Variants in TWF2 observed in about 807,000 individuals in gnomAD.
TWF2 encodes twinfilin actin binding protein 2.
Under a neutral mutation model 45.1 loss-of-function variants are expected in TWF2, and 15 were observed. The ratio of observed to expected loss-of-function variants is 0.33; its 90% CI spans 0.22 to 0.51. The LOEUF is 0.51. TWF2 is among the 20% of genes least tolerant of loss of function. The probability of loss-of-function intolerance (pLI) is 0.97; values close to 1 mark genes in which losing one functional copy is unlikely to be tolerated. For synonymous variants in TWF2, 177 were observed against 195.8 expected, an observed-to-expected ratio of 0.90 and a Z score of 0.80; for missense variants, 423 against 469.1, an observed-to-expected ratio of 0.90 and a Z score of 0.91.
intron 2 of TWF2, among the ~76,000 whole-genome samples, chr3:52,233,007 G>T (rs762152265): frequency 6.6e-6 from 1 of 152,116 alleles, no homozygotes; most frequent in Non-Finnish European, 1.5e-5. Flanking sequence ...GCGAAACTCC[G>T]TCTCAAAAAA....
chr3:52,234,432 G>A (rs768084599), intron 2 of TWF2, among the ~76,000 whole-genome samples: 69 of 152,148 alleles, frequency 4.5e-4, no homozygotes, highest in Admixed American at 1.3e-3. Flanking sequence ...TCAGGCCTCA[G>A]CTCAAGTCCC....
chr3:52,229,257 C>A, intron 8 of TWF2, 56 bp from the exon 9 acceptor site: 1 of 1,585,926 alleles, frequency 6.3e-7, no homozygotes. Flanking sequence ...CACACACCAC[C>A]CCTGGTAGCC....
chr3:52,235,837 G>T (rs970839120), intron 1 of TWF2, among the ~76,000 whole-genome samples: 1 of 152,174 alleles, frequency 6.6e-6, no homozygotes, highest in African/African-American at 2.4e-5. Context: ...ACACCCATGT[G>T]TGCAGCCCCA....
chr3:52,235,604 T>C (rs1360595826), intron 1 of TWF2, among the ~76,000 whole-genome samples: 1 of 152,096 alleles, frequency 6.6e-6, no homozygotes, highest in African/African-American at 2.4e-5. Context: ...ACAACACGCA[T>C]GTGTGACAGA....
chr3:52,236,304 A>G (rs1308972662), intron 1 of TWF2, among the ~76,000 whole-genome samples: 2 of 139,346 alleles, frequency 1.4e-5, no homozygotes, highest in Admixed American at 1.4e-4. Context: ...TCCGCCTCAG[A>G]AAAAAAAAAA....
intron 2 of TWF2, 153 bp from the exon 3 acceptor site, chr3:52,232,275 G>A (rs1699686132): frequency 2.0e-6 from 2 of 1,003,084 alleles, no homozygotes; most frequent in Admixed American, 3.1e-5. Context: ...GTGTGAGGCT[G>A]TGTGGCTGAA....
Position 52,231,096 on chromosome 3 carries a change from C to T in TWF2, c.483+31G>A. On this transcript the variant is annotated intron_variant, in intron 5 of 8. Transcript: ENST00000305533. Reference sequence around the variant, plus strand: ...CACTGGGCCGATATGACCCTGAGGGCTCAAGGCTGGGGCCTCTGCTCCCCA... The same window carrying T: ...CACTGGGCCGATATGACCCTGAGGGTTCAAGGCTGGGGCCTCTGCTCCCCA... 4 of 1,613,704 alleles carry T rather than the reference C, an allele frequency of 2.5e-6. No homozygotes were observed. The South Asian group carries it at 3.3e-5, about 13-fold the overall frequency.
intron 6 of TWF2, 129 bp downstream of exon 6, chr3:52,230,741 G>T: frequency 2.9e-6 from 4 of 1,369,556 alleles, no homozygotes; most frequent in East Asian, 5.0e-5. Context: ...GTTCCCACAA[G>T]CACATGGACG....
chr3:52,236,851 G>A (rs927102774), intron 1 of TWF2, among the ~76,000 whole-genome samples: 1 of 152,110 alleles, frequency 6.6e-6, no homozygotes, highest in African/African-American at 2.4e-5. Context: ...TCCATCGGCA[G>A]ATCCCAAGCA....
intron 1 of TWF2, among the ~76,000 whole-genome samples, chr3:52,236,753 T>A (rs1410029857): frequency 1.3e-5 from 2 of 152,098 alleles, no homozygotes; most frequent in Non-Finnish European, 2.9e-5. Flanking sequence ...GGGGCCCAAC[T>A]GAGCTCAGCA....
In TWF2 at chr3:52,231,932, C is replaced by G. The variant is rs74665344; in HGVS notation, c.282+12G>C. 7,636 of 1,608,278 alleles carry G rather than the reference C, an allele frequency of 4.7e-3. 285 individuals are homozygous for G. The African/African-American group carries it at 0.082, about 17-fold the overall frequency. On this transcript the variant is annotated intron_variant, in intron 3 of 8. Coordinates refer to ENST00000305533, the MANE Select transcript of TWF2 (RefSeq NM_007284.4). ...AGCTCCCCTCCTCACTTCCCACTGG[C>G]CCAGGACTCACGGGGGAGTTATCAG...
rs1699648153 is a variant in TWF2, at chr3:52,228,690, G to C, written c.*344C>G. On this transcript the variant is annotated 3_prime_UTR_variant, in exon 9 of 9. Transcript: ENST00000305533. ...CTGCAGTGACCCCTGCCCCAGCCCT[G>C]ACTGACCCCACTTCTTGTGGCCAAA... 1 of 310,430 alleles carries C rather than the reference G, an allele frequency of 3.2e-6. No homozygotes were observed. The highest frequency in any genetic ancestry group is 2.2e-5 in the African/African-American group (1 of 46,302). The allele number at this position is 310,430 out of a possible 1,614,324, so 19.2% of individuals were successfully genotyped here. A position where few individuals can be genotyped will look rare whatever the true frequency, so the allele number is the denominator to read the frequency against.
chr3:52,238,109 T>C (rs1699743953), intron 1 of TWF2, among the ~76,000 whole-genome samples: 1 of 151,950 alleles, frequency 6.6e-6, no homozygotes. Context: ...GATGCGGGAA[T>C]GGTGAAGCTT....
rs764485770 is a variant in TWF2 at position 52,232,078 on chromosome 3, C to G, written c.148G>C (p.Asp50His). Residue 50 changes from aspartate to histidine, a missense_variant, in exon 3 of 9, where the codon GAT becomes CAT. By Grantham distance (81) the Asp-to-His change is moderately conservative. Transcript: ENST00000305533. ...AGCACGGCCCTGTCATAGTCCTGATCCCAGCGGCCTACTGGCTCCTGCGAG... is the reference window on the plus strand; with the variant it reads ...AGCACGGCCCTGTCATAGTCCTGATGCCAGCGGCCTACTGGCTCCTGCGAG... The part of the protein sequence containing the change: ...GASQEPVGRW[D>H]QDYDRAVLPL... 1 of 1,612,920 alleles carries G rather than the reference C, an allele frequency of 6.2e-7. No individual in the cohort carries two copies. The highest frequency in any genetic ancestry group is 8.5e-7 in the Non-Finnish European group (1 of 1,179,432).
chr3:52,231,381 T>G, intron 4 of TWF2, 63 bp downstream of exon 4: 1 of 1,593,074 alleles, frequency 6.3e-7, no homozygotes, highest in Non-Finnish European at 8.6e-7. Context: ...TCTCTGACCC[T>G]GCACAGTGAC....
chr3:52,234,522 C>T (rs1253067577), intron 2 of TWF2, among the ~76,000 whole-genome samples: 1 of 152,232 alleles, frequency 6.6e-6, no homozygotes, highest in Non-Finnish European at 1.5e-5. Context: ...TAGAACCCTC[C>T]CATCCTACTC....
chr3:52,230,842 T>G (rs184548327), intron 6 of TWF2, 28 bp downstream of exon 6: 16 of 1,606,622 alleles, frequency 1.0e-5, no homozygotes, highest in Non-Finnish European at 1.4e-5. Context: ...GGTGGCAGCA[T>G]GTGCCAGGGT....
Position 52,230,986 on chromosome 3 carries a change from C to CT in TWF2, c.492dup (p.Glu165ArgfsTer21). The CT allele has an allele frequency of 6.2e-7, 1 of 1,605,752 alleles. No individual in the cohort carries two copies. The highest frequency in any genetic ancestry group is 8.5e-7 in the Non-Finnish European group (1 of 1,176,318). On this transcript the variant is annotated frameshift_variant, in exon 6 of 9. Transcript: ENST00000305533. LOFTEE classifies it high-confidence loss of function. ...TGGTGCTTGCTTTCCACACTGATCT[C>CT]TGTCTTCACCTGTGGGTAGGGGAAT...
chr3:52,229,555 C>T lies in TWF2; in HGVS notation c.882+106G>A, dbSNP rs187770966. ...GGCCTCAGATGCCCTATGATCAACA[C>T]GACAGCAACGATTCCTGCTCTGCCG... On this transcript the variant is annotated intron_variant, in intron 8 of 8. Transcript: ENST00000305533. The T allele has an allele frequency of 1.4e-4, 216 of 1,529,280 alleles. No homozygotes were observed. The African/African-American group carries it at 2.0e-3, about 14-fold the overall frequency. The allele number at this position is 1,529,280 out of a possible 1,614,324, so 94.7% of individuals were successfully genotyped here.
Sources: allele counts gnomAD v4.1 joint callset (sites outside exome capture counted in the v4.1 genomes callset), GRCh38; gene constraint gnomAD v4.1.1; transcripts MANE v1.5; gene names NCBI Gene and HGNC (gene_info 2026-07-23, HGNC 2026-07-21).